The following DCAF7 variants were observed in gnomAD, a reference collection of about 807,000 sequenced individuals.
The protein encoded by DCAF7 is DDB1 and CUL4 associated factor 7.
A neutral mutation model predicts 41.2 loss-of-function variants in DCAF7; 4 were observed. That is an observed-to-expected ratio of 0.10 (90% CI 0.05 to 0.22). The LOEUF is 0.22. DCAF7 is among the 10% of genes least tolerant of loss of function. DCAF7 has a pLI of 1.00. For synonymous variants in DCAF7, 143 were observed against 164.2 expected (o/e 0.87, Z 0.99); for missense variants, 131 against 443.2 (o/e 0.30, Z 6.32).
At position 63,589,183 on chromosome 17, in the gene DCAF7, G is replaced by C. The variant is rs753175361; in HGVS notation, c.*11G>C. ...ATACTCAGAGTGTAGTGTTGGTGGCGCTGTGCCCACGAGGCAGGGGCTTTT... is the reference window on the plus strand; with the variant it reads ...ATACTCAGAGTGTAGTGTTGGTGGCCCTGTGCCCACGAGGCAGGGGCTTTT... On this transcript the variant is annotated 3_prime_UTR_variant, in exon 7 of 7. Transcript: ENST00000614556. 3 of 1,611,188 alleles carry C rather than the reference G, an allele frequency of 1.9e-6. No individual in the cohort carries two copies. The Admixed American group carries it at 5.0e-5, about 27-fold the overall frequency.
At chr17:63,567,432 TGTA>T (rs1568100335) in intron 1 of DCAF7, among the ~76,000 whole-genome samples, 5 of 152,202 alleles carry the variant, frequency 3.3e-5, no homozygotes, top group Non-Finnish European at 7.3e-5. Context: ...GCAAACACAA[TGTA>T]GTCTTTGGAA....
rs377638787 is a variant in DCAF7, at chr17:63,588,189, A to ATTTTTTTTTTTTTTTTTTTTT, written c.857-795_857-794insTTTTTTTTTTTTTTTTTTTTT. 3.6e-4 allele frequency among the ~76,000 whole-genome samples: 43 copies of ATTTTTTTTTTTTTTTTTTTTT among 120,214 alleles called. 4 individuals are homozygous for ATTTTTTTTTTTTTTTTTTTTT. Among genetic ancestry groups the ATTTTTTTTTTTTTTTTTTTTT allele is most frequent in the African/African-American group, 1.7e-3 (42 of 25,406 alleles). 78.9% of individuals were successfully genotyped at this position (120,214 alleles called of 152,430 possible). ...GTGTTTCCCATAGCTATTTTCTTGGATTTTTTTTTTTTTTTTGAGATGAAG... is the reference window on the plus strand; with the variant it reads ...GTGTTTCCCATAGCTATTTTCTTGGATTTTTTTTTTTTTTTTTTTTTTTTTTTTTTTTTTTTTGAGATGAAG... On this transcript the variant is annotated intron_variant, in intron 6 of 6. Coordinates refer to ENST00000614556, the MANE Select transcript of DCAF7 (RefSeq NM_005828.5).
intron 1 of DCAF7, among the ~76,000 whole-genome samples, chr17:63,566,212 T>TA (rs2033439122): frequency 6.6e-6 from 1 of 151,338 alleles, no homozygotes; most frequent in Non-Finnish European, 1.5e-5. Context: ...CTACTAAAAA[T>TA]ACAAAAAAAT....
chr17:63,571,310 A>T (rs1197970562), intron 1 of DCAF7, among the ~76,000 whole-genome samples: 2 of 152,204 alleles, frequency 1.3e-5, no homozygotes, highest in Non-Finnish European at 2.9e-5. Context: ...GGAAGTAGTT[A>T]TATCAAACCA....
In DCAF7 at chr17:63,591,525, C is replaced by T. The variant is rs1244141380; in HGVS notation, c.*2353C>T. The T allele has an allele frequency of 6.6e-6, 1 of 152,144 alleles. No homozygotes were observed. The highest frequency in any genetic ancestry group is 1.5e-5 in the Non-Finnish European group (1 of 68,064). The allele number at this position is 152,144 out of a possible 1,614,324, so 9.4% of individuals were successfully genotyped here. On this transcript the variant is annotated 3_prime_UTR_variant, in exon 7 of 7. Transcript: ENST00000614556. Reference sequence around the variant, plus strand: ...CCACCGGGGACCCAGGGGGACTCCACCCCCCTAAGCAAGCACACACATACT... The same window carrying T: ...CCACCGGGGACCCAGGGGGACTCCATCCCCCTAAGCAAGCACACACATACT...
At chr17:63,580,602 T>A (rs2033612773) in intron 4 of DCAF7, among the ~76,000 whole-genome samples, 2 of 143,092 alleles carry the variant, frequency 1.4e-5, no homozygotes, top group South Asian at 4.7e-4. Context: ...CACTGCATCC[T>A]CTGCCTTCTG....
chr17:63,587,805 A>G (rs2033692653), intron 6 of DCAF7, among the ~76,000 whole-genome samples: 1 of 152,182 alleles, frequency 6.6e-6, no homozygotes, highest in Admixed American at 6.5e-5. Context: ...TTTTTTAAAA[A>G]TTAACTTACT....
At chr17:63,566,963 T>C (rs1470996160) in intron 1 of DCAF7, among the ~76,000 whole-genome samples, 2 of 105,534 alleles carry the variant, frequency 1.9e-5, no homozygotes, top group Non-Finnish European at 5.3e-5. Context: ...TTTAAGCTTT[T>C]TTCTTTCTTT....
intron 1 of DCAF7, among the ~76,000 whole-genome samples, chr17:63,555,453 T>C (rs748004178): frequency 2.1e-4 from 32 of 152,308 alleles, no homozygotes; most frequent in Admixed American, 6.5e-4. Flanking sequence ...TTTAATACAA[T>C]TACTTTATAT....
chr17:63,582,477 T>C (rs1210734236), intron 4 of DCAF7, among the ~76,000 whole-genome samples: 2 of 152,014 alleles, frequency 1.3e-5, no homozygotes, highest in Non-Finnish European at 2.9e-5. Flanking sequence ...TCCTCTTTTT[T>C]TTTTTTTCTT....
At chr17:63,581,061 A>G (rs1308438456) in intron 4 of DCAF7, among the ~76,000 whole-genome samples, 2 of 152,176 alleles carry the variant, frequency 1.3e-5, no homozygotes, top group African/African-American at 4.8e-5. Context: ...GACCCAGGTT[A>G]TCATTCTTAG....
intron 1 of DCAF7, 81 bp from the exon 2 acceptor site, chr17:63,578,388 AC>A: frequency 6.4e-7 from 1 of 1,572,698 alleles, no homozygotes; most frequent in South Asian, 1.2e-5. Flanking sequence ...AACAAAAAAA[AC>A]CTCTGTCACT....
chr17:63,581,252 G>A (rs2033619684), intron 4 of DCAF7, among the ~76,000 whole-genome samples: 1 of 152,148 alleles, frequency 6.6e-6, no homozygotes, highest in Non-Finnish European at 1.5e-5. Context: ...TTAGTTATAT[G>A]ACAACTTAGC....
intron 5 of DCAF7, among the ~76,000 whole-genome samples, chr17:63,583,971 A>C (rs2033651126): frequency 6.6e-6 from 1 of 152,194 alleles, no homozygotes; most frequent in African/African-American, 2.4e-5. Context: ...AAATGACAGC[A>C]GTCCCGGGAC....
At chr17:63,584,223 A>T (rs1598037059) in intron 5 of DCAF7, among the ~76,000 whole-genome samples, 1 of 152,178 alleles carries the variant, frequency 6.6e-6, no homozygotes. Context: ...TAATCCCAAC[A>T]CTTTGGGAGG....
rs1294545146 is a variant in DCAF7, at chr17:63,593,900, T to C, written c.*4728T>C. On this transcript the variant is annotated 3_prime_UTR_variant, in exon 7 of 7. Transcript: ENST00000614556. ...GCCTAGTATGTCTGAACTTCCATTC[T>C]TGTTATATATTTAAACTTTCCCTCT... 1 of 152,674 alleles carries C rather than the reference T, an allele frequency of 6.5e-6. No individual in the cohort carries two copies. The highest frequency in any genetic ancestry group is 1.9e-4 in the East Asian group (1 of 5,202). The allele number at this position is 152,674 out of a possible 1,614,324, so 9.5% of individuals were successfully genotyped here. A position where few individuals can be genotyped will look rare whatever the true frequency, so the allele number is the denominator to read the frequency against.
intron 3 of DCAF7, among the ~76,000 whole-genome samples, 158 bp downstream of exon 3, chr17:63,579,606 C>CAA (rs1388689483): frequency 6.6e-6 from 1 of 152,072 alleles, no homozygotes; most frequent in East Asian, 1.9e-4. Context: ...GGTGAGCTTT[C>CAA]CGTGTGTATA....
At chr17:63,571,724 G>A (rs1217657648) in intron 1 of DCAF7, among the ~76,000 whole-genome samples, 2 of 151,916 alleles carry the variant, frequency 1.3e-5, no homozygotes, top group South Asian at 2.1e-4. Context: ...AGGAAAGATC[G>A]AATCTCAGCT....
chr17:63,556,420 T>C (rs1472691206), intron 1 of DCAF7, among the ~76,000 whole-genome samples: 1 of 150,998 alleles, frequency 6.6e-6, no homozygotes, highest in Admixed American at 6.6e-5. Flanking sequence ...AAATACAAAA[T>C]TAGCCAGACA....
Sources: gnomAD v4.1 joint callset for allele counts (sites outside exome capture counted in the v4.1 genomes callset) on GRCh38, gnomAD v4.1.1 for gene constraint, MANE v1.5 for transcripts, NCBI Gene and HGNC (gene_info 2026-07-23, HGNC 2026-07-21) for gene names.